Variants in SPMIP2 observed in about 807,000 individuals in gnomAD.
The protein encoded by SPMIP2 is protein SPMIP2.
At chr4:159,048,542 T>C in the SPMIP2 span, among the ~76,000 whole-genome samples, 1 of 151,770 alleles carries the variant, frequency 6.6e-6, no homozygotes, top group Non-Finnish European at 1.5e-5. Context: ...GGACGTAACC[T>C]AGAGCCACCG....
the SPMIP2 span, among the ~76,000 whole-genome samples, chr4:159,014,172 G>A: frequency 6.6e-6 from 1 of 152,166 alleles, no homozygotes; most frequent in African/African-American, 2.4e-5. Flanking sequence ...ATGCAGCCCA[G>A]GGCCAGGTGC....
chr4:159,066,079 T>C, the SPMIP2 span, among the ~76,000 whole-genome samples: 1 of 152,096 alleles, frequency 6.6e-6, no homozygotes, highest in African/African-American at 2.4e-5. Context: ...TCCACAGATA[T>C]TGTCTAATTC....
At chr4:159,069,407 T>G in the SPMIP2 span, among the ~76,000 whole-genome samples, 1 of 152,118 alleles carries the variant, frequency 6.6e-6, no homozygotes, top group Admixed American at 6.6e-5. Flanking sequence ...TTAGGAAGTA[T>G]GAATTTAGGT....
the SPMIP2 span, among the ~76,000 whole-genome samples, chr4:159,052,209 C>T: frequency 6.6e-6 from 1 of 151,970 alleles, no homozygotes; most frequent in Non-Finnish European, 1.5e-5. Context: ...GTTTTGATTT[C>T]TTTTTTTTCC....
At chr4:158,992,946 A>C in the SPMIP2 span, among the ~76,000 whole-genome samples, 1 of 152,244 alleles carries the variant, frequency 6.6e-6, no homozygotes, top group African/African-American at 2.4e-5. Flanking sequence ...CACTTAAACC[A>C]TAGCACAAGC....
chr4:159,044,424 G>C, the SPMIP2 span, among the ~76,000 whole-genome samples: 2 of 151,032 alleles, frequency 1.3e-5, no homozygotes, highest in Non-Finnish European at 2.9e-5. Flanking sequence ...ATGGGTCTGG[G>C]ACCTCCTTTG....
chr4:159,061,259 C>G, the SPMIP2 span, among the ~76,000 whole-genome samples: 1 of 151,890 alleles, frequency 6.6e-6, no homozygotes, highest in Non-Finnish European at 1.5e-5. Flanking sequence ...CCTCACACAC[C>G]TTCAACTGTG....
chr4:158,915,437 G>T, the SPMIP2 span: 3 of 1,258,948 alleles, frequency 2.4e-6, no homozygotes, highest in Non-Finnish European at 2.2e-6. Flanking sequence ...GTTGAGATTT[G>T]TCTGTTTTTC....
chr4:158,962,093 A>T, the SPMIP2 span, among the ~76,000 whole-genome samples: 2 of 152,222 alleles, frequency 1.3e-5, no homozygotes, highest in African/African-American at 4.8e-5. Flanking sequence ...CTGTTTATTA[A>T]CAAAAGGGAA....
the SPMIP2 span, among the ~76,000 whole-genome samples, chr4:159,029,057 T>C: frequency 6.6e-6 from 1 of 152,226 alleles, no homozygotes. Context: ...ATCGTGCCAC[T>C]GCACTCCAGC....
the SPMIP2 span, among the ~76,000 whole-genome samples, chr4:159,023,144 G>A: frequency 8.5e-5 from 13 of 152,262 alleles, no homozygotes; most frequent in Admixed American, 5.2e-4. Flanking sequence ...CAGAGATCTT[G>A]TTAAATATTT....
At chr4:158,945,236 T>G in the SPMIP2 span, among the ~76,000 whole-genome samples, 4 of 152,094 alleles carry the variant, frequency 2.6e-5, no homozygotes, top group Admixed American at 2.0e-4. Context: ...CTTTTCAGAT[T>G]CCTCCACAGA....
the SPMIP2 span, among the ~76,000 whole-genome samples, chr4:159,062,350 A>G: frequency 6.6e-6 from 1 of 152,286 alleles, no homozygotes; most frequent in East Asian, 1.9e-4. Flanking sequence ...ACTATGGGCC[A>G]CTATTTTAAA....
the SPMIP2 span, among the ~76,000 whole-genome samples, chr4:159,023,608 G>C: frequency 6.6e-6 from 1 of 152,110 alleles, no homozygotes; most frequent in Non-Finnish European, 1.5e-5. Flanking sequence ...CAATCTTCTA[G>C]AGTCATCCTC....
the SPMIP2 span, among the ~76,000 whole-genome samples, chr4:158,973,711 G>A: frequency 5.9e-5 from 9 of 152,072 alleles, no homozygotes; most frequent in African/African-American, 2.2e-4. Flanking sequence ...GACATGGGCT[G>A]GATGTGGTGG....
the SPMIP2 span, among the ~76,000 whole-genome samples, chr4:158,998,555 T>C: frequency 6.6e-6 from 1 of 152,232 alleles, no homozygotes; most frequent in African/African-American, 2.4e-5. Flanking sequence ...ATTTCTGCCT[T>C]TGTGTTAATT....
At chr4:159,009,831 C>T in the SPMIP2 span, among the ~76,000 whole-genome samples, 676 of 152,046 alleles carry the variant, frequency 4.4e-3, 9 homozygotes, top group African/African-American at 0.016. Context: ...TGCAAAATTA[C>T]AAAAATTAGC....
chr4:159,011,072 C>T, the SPMIP2 span, among the ~76,000 whole-genome samples: 1 of 151,986 alleles, frequency 6.6e-6, no homozygotes, highest in African/African-American at 2.4e-5. Context: ...TTCCTGTTCC[C>T]CTCCCTCACT....
the SPMIP2 span, among the ~76,000 whole-genome samples, chr4:158,998,003 T>G: frequency 1.3e-5 from 2 of 152,128 alleles, no homozygotes; most frequent in Non-Finnish European, 2.9e-5. Context: ...GCACATTTTT[T>G]TTTAAAGGTC....
Sources: allele counts gnomAD v4.1 joint callset (sites outside exome capture counted in the v4.1 genomes callset), GRCh38; gene constraint gnomAD v4.1.1; transcripts MANE v1.5; gene names NCBI Gene and HGNC (gene_info 2026-07-23, HGNC 2026-07-21).